ETV1: variants seen among roughly 807,000 people sequenced by gnomAD.
The protein encoded by ETV1 is ETS translocation variant 1.
In ETV1, 27 loss-of-function variants were observed where a neutral mutation model predicts 62.3. The observed-to-expected ratio is 0.43, with a 90% CI of 0.32 to 0.60. ETV1 has a LOEUF of 0.60. Among genes scored for constraint, ETV1 ranks in the 20% least tolerant of loss-of-function variants. The pLI is 0.06. For synonymous variants in ETV1, 222 were observed against 199.6 expected (o/e 1.11, Z -0.94); for missense variants, 605 against 605.8 (o/e 1.00, Z 0.01).
chr7:13,919,120 A>G (rs1375076674), intron 9 of ETV1, among the ~76,000 whole-genome samples: 1 of 152,206 alleles, frequency 6.6e-6, no homozygotes, highest in Non-Finnish European at 1.5e-5. Flanking sequence ...ATTATGTGCT[A>G]GAAACGGTAT....
chr7:13,934,034 T>C (rs1473962706), intron 8 of ETV1, among the ~76,000 whole-genome samples: 1 of 152,210 alleles, frequency 6.6e-6, no homozygotes. Flanking sequence ...TATCAAGAAC[T>C]CAGAAGTCAC....
intron 13 of ETV1, among the ~76,000 whole-genome samples, chr7:13,896,635 T>A (rs1307443505): frequency 7.5e-6 from 1 of 133,496 alleles, no homozygotes; most frequent in Non-Finnish European, 1.6e-5. Context: ...TTTTTTCTTT[T>A]TTGGCAGTGT....
At chr7:13,949,378 T>C (rs958240006) in intron 6 of ETV1, among the ~76,000 whole-genome samples, 20 of 152,202 alleles carry the variant, frequency 1.3e-4, no homozygotes, top group African/African-American at 3.9e-4. Flanking sequence ...ATGACCTCAA[T>C]TAGTGCTCAG....
At chr7:13,926,084 C>T (rs899196622) in intron 9 of ETV1, among the ~76,000 whole-genome samples, 1 of 152,056 alleles carries the variant, frequency 6.6e-6, no homozygotes, top group African/African-American at 2.4e-5. Flanking sequence ...TTTCAAAAAT[C>T]TGACTTCTAA....
At chr7:13,963,590 T>G (rs1329856254) in intron 6 of ETV1, among the ~76,000 whole-genome samples, 3 of 151,784 alleles carry the variant, frequency 2.0e-5, no homozygotes, top group Non-Finnish European at 4.4e-5. Context: ...GAGAGAAGTT[T>G]ACTGATGACT....
At chr7:13,916,470 T>C (rs1309207062) in intron 9 of ETV1, among the ~76,000 whole-genome samples, 4 of 151,860 alleles carry the variant, frequency 2.6e-5, no homozygotes, top group Non-Finnish European at 4.4e-5. Context: ...AAAACCTGTC[T>C]CTACTAAAAA....
chr7:13,989,389 C>T lies in ETV1; in HGVS notation c.-209G>A. On this transcript the variant is annotated 5_prime_UTR_variant, in exon 2 of 14. Coordinates refer to ENST00000430479, the MANE Select transcript of ETV1 (RefSeq NM_004956.5). ...TGTTTCCCTGCGCGGTCGGTGTACC[C>T]CGGGCAGCTCTGATTCGCAAACGTG... The T allele has an allele frequency of 2.2e-6, 1 of 462,390 alleles. No individual in the cohort carries two copies. The highest frequency in any genetic ancestry group is 3.8e-6 in the Non-Finnish European group (1 of 264,496). The allele number at this position is 462,390 out of a possible 1,614,324, so 28.6% of individuals were successfully genotyped here. A position where few individuals can be genotyped will look rare whatever the true frequency, so the allele number is the denominator to read the frequency against.
chr7:13,975,770 T>C (rs901131390), intron 6 of ETV1, among the ~76,000 whole-genome samples: 7 of 151,764 alleles, frequency 4.6e-5, no homozygotes, highest in African/African-American at 1.4e-4. Flanking sequence ...AGACTAAATA[T>C]TCAATAAGAA....
chr7:13,926,950 A>T (rs1243821468), intron 9 of ETV1, among the ~76,000 whole-genome samples: 2 of 152,146 alleles, frequency 1.3e-5, no homozygotes, highest in Non-Finnish European at 2.9e-5. Flanking sequence ...CTGTAATTAT[A>T]ATTATAACTA....
At chr7:13,942,449 T>A (rs1787665556) in intron 6 of ETV1, among the ~76,000 whole-genome samples, 2 of 152,266 alleles carry the variant, frequency 1.3e-5, no homozygotes, top group East Asian at 3.9e-4. Flanking sequence ...ATGTGCAGAT[T>A]TATTATATAG....
Position 13,895,838 on chromosome 7 carries a change from A to G in ETV1, c.*28T>C. On this transcript the variant is annotated 3_prime_UTR_variant, in exon 14 of 14. Coordinates refer to ENST00000430479, the MANE Select transcript of ETV1 (RefSeq NM_004956.5). Reference sequence around the variant, plus strand: ...TCTTGCAGAAAAAAGGAAAAGCGCAAAAACGCCCTGCTTGACTGTCACTTG... The same window carrying G: ...TCTTGCAGAAAAAAGGAAAAGCGCAGAAACGCCCTGCTTGACTGTCACTTG... The G allele has an allele frequency of 6.4e-7, 1 of 1,562,486 alleles. No homozygotes were observed. The highest frequency in any genetic ancestry group is 8.8e-7 in the Non-Finnish European group (1 of 1,138,486).
At chr7:13,990,434 C>A (rs890402909), upstream of ETV1, 1 of 152,246 alleles carries the variant, frequency 6.6e-6, no homozygotes, top group Non-Finnish European at 1.5e-5. Context: ...AAAGGTACTT[C>A]CAGTCCACTG....
Position 13,940,266 on chromosome 7 carries a change from G to A in ETV1, c.236-1020C>T, listed in dbSNP as rs536912310. Among the ~76,000 whole-genome samples, 11 of 151,882 alleles carry A rather than the reference G, an allele frequency of 7.2e-5. No individual in the cohort carries two copies. The East Asian group carries it at 2.1e-3, about 30-fold the overall frequency. On this transcript the variant is annotated intron_variant, in intron 6 of 13. Coordinates refer to ENST00000430479, the MANE Select transcript of ETV1 (RefSeq NM_004956.5). ...AATCCCAGCTACTTGGGAGGCTGAG[G>A]CGGGAGAATTGCTTGAACCCAGAAG...
intron 6 of ETV1, 69 bp from the exon 7 acceptor site, chr7:13,939,315 A>T: frequency 7.4e-7 from 1 of 1,347,960 alleles, no homozygotes; most frequent in Non-Finnish European, 1.0e-6. Flanking sequence ...AATGTGTTCT[A>T]CTTCTCTTGT....
intron 6 of ETV1, among the ~76,000 whole-genome samples, chr7:13,964,229 T>C (rs1008188014): frequency 2.6e-5 from 4 of 152,118 alleles, no homozygotes; most frequent in African/African-American, 9.7e-5. Context: ...AGGACCACCA[T>C]TTCAGAGGAA....
chr7:13,987,598 C>T (rs1409315435), intron 4 of ETV1, among the ~76,000 whole-genome samples: 1 of 152,084 alleles, frequency 6.6e-6, no homozygotes, highest in African/African-American at 2.4e-5. Flanking sequence ...TATGACCTCA[C>T]AATTTAGTCA....
At position 13,935,719 on chromosome 7, in the gene ETV1, G is replaced by T; in HGVS notation, c.543C>A (p.Pro181=). Residue 181 remains proline, a synonymous_variant, in exon 8 of 14, where the codon CCC becomes CCA. Transcript: ENST00000430479. ...TATCTGCAGGTTACCTGTGGTCCATGGGGTAGCTGCTATCTGGTATGGACT... is the reference window on the plus strand; with the variant it reads ...TATCTGCAGGTTACCTGTGGTCCATTGGGTAGCTGCTATCTGGTATGGACT... ...PSQSIPDSSY[P]MDHRFRRQLS... 1 of 1,613,674 alleles carries T rather than the reference G, an allele frequency of 6.2e-7. No homozygotes were observed. The highest frequency in any genetic ancestry group is 8.5e-7 in the Non-Finnish European group (1 of 1,179,694).
At chr7:13,911,918 C>A (rs560563369) in intron 9 of ETV1, among the ~76,000 whole-genome samples, 41 of 152,162 alleles carry the variant, frequency 2.7e-4, no homozygotes, top group Non-Finnish European at 1.0e-4. Context: ...CCATTTTAGC[C>A]CAACTTCTTA....
At chr7:13,904,321 T>C (rs1782737596) in intron 12 of ETV1, among the ~76,000 whole-genome samples, 3 of 152,226 alleles carry the variant, frequency 2.0e-5, no homozygotes, top group Admixed American at 1.3e-4. Flanking sequence ...ATCCAGCCTC[T>C]TTTTAACTTT....
Sources: gnomAD v4.1 joint callset for allele counts (sites outside exome capture counted in the v4.1 genomes callset) on GRCh38, gnomAD v4.1.1 for gene constraint, MANE v1.5 for transcripts, NCBI Gene and HGNC (gene_info 2026-07-23, HGNC 2026-07-21) for gene names.